The following ATXN1 variants were observed in gnomAD, a reference collection of about 807,000 sequenced individuals.
ATXN1 encodes ataxin 1.
A neutral mutation model predicts 56.4 loss-of-function variants in ATXN1; 8 were observed. The observed-to-expected ratio is 0.14, with a 90% CI of 0.08 to 0.26. ATXN1 has a LOEUF of 0.26. Among genes scored for constraint, ATXN1 ranks in the 10% least tolerant of loss-of-function variants. The probability of loss-of-function intolerance (pLI) is 1.00; values close to 1 mark genes in which losing one functional copy is unlikely to be tolerated. For missense variants in ATXN1, 987 were observed against 1,106.5 expected, an observed-to-expected ratio of 0.89 and a Z score of 1.53; for synonymous variants, 514 against 494.6, an observed-to-expected ratio of 1.04 and a Z score of -0.52.
At chr6:16,388,193 G>C (rs1416728067) in intron 6 of ATXN1, among the ~76,000 whole-genome samples, 1 of 152,162 alleles carries the variant, frequency 6.6e-6, no homozygotes, top group Non-Finnish European at 1.5e-5. Context: ...CTGCAGTCAC[G>C]GTGAAAGGGG....
intron 2 of ATXN1, among the ~76,000 whole-genome samples, chr6:16,723,655 C>A (rs1453786353): frequency 6.6e-6 from 1 of 152,034 alleles, no homozygotes; most frequent in Non-Finnish European, 1.5e-5. Context: ...GACTCTGGAG[C>A]ATTAAGATAA....
At chr6:16,548,623 T>C (rs999074829) in intron 4 of ATXN1, among the ~76,000 whole-genome samples, 13 of 152,192 alleles carry the variant, frequency 8.5e-5, no homozygotes, top group Admixed American at 7.2e-4. Context: ...TTTAAACTTT[T>C]TTTTTTAAAA....
At chr6:16,704,913 C>T (rs1446143107) in intron 2 of ATXN1, among the ~76,000 whole-genome samples, 4 of 152,188 alleles carry the variant, frequency 2.6e-5, no homozygotes, top group African/African-American at 7.2e-5. Flanking sequence ...GGAGGGGGCA[C>T]AGTGCAAAAC....
intron 2 of ATXN1, among the ~76,000 whole-genome samples, chr6:16,720,825 T>C (rs1390102023): frequency 6.6e-6 from 1 of 152,222 alleles, no homozygotes; most frequent in African/African-American, 2.4e-5. Context: ...GCTGTGTCTA[T>C]ATCCACAGGG....
intron 6 of ATXN1, among the ~76,000 whole-genome samples, chr6:16,425,319 C>A (rs1759127583): frequency 6.6e-6 from 1 of 152,230 alleles, no homozygotes; most frequent in Admixed American, 6.5e-5. Flanking sequence ...TATTCCTCAC[C>A]CACGTGTATT....
At chr6:16,415,524 C>T (rs941700616) in intron 6 of ATXN1, among the ~76,000 whole-genome samples, 55 of 152,236 alleles carry the variant, frequency 3.6e-4, no homozygotes, top group Admixed American at 3.6e-3. Flanking sequence ...GCCACCGCGC[C>T]CAGCCCAAGT....
chr6:16,504,774 T>C (rs971695758), intron 5 of ATXN1, among the ~76,000 whole-genome samples: 1 of 152,080 alleles, frequency 6.6e-6, no homozygotes, highest in Non-Finnish European at 1.5e-5. Context: ...ATGTGTAAAA[T>C]AACACAGGGG....
intron 4 of ATXN1, among the ~76,000 whole-genome samples, chr6:16,528,447 C>T (rs576692865): frequency 6.6e-6 from 1 of 152,310 alleles, no homozygotes; most frequent in South Asian, 2.1e-4. Flanking sequence ...ATTTTAACAT[C>T]CAAATCCAAT....
At chr6:16,707,887 T>C (rs1759439795) in intron 2 of ATXN1, among the ~76,000 whole-genome samples, 1 of 151,948 alleles carries the variant, frequency 6.6e-6, no homozygotes, top group African/African-American at 2.4e-5. Flanking sequence ...ATCCGATCTA[T>C]CCAAAGGAAG....
At chr6:16,315,280 T>G (rs1760484018) in intron 7 of ATXN1, among the ~76,000 whole-genome samples, 1 of 152,226 alleles carries the variant, frequency 6.6e-6, no homozygotes. Context: ...CTTGGAATCA[T>G]ACTTTCTTCC....
chr6:16,632,089 A>G (rs2113811178), intron 3 of ATXN1, among the ~76,000 whole-genome samples: 1 of 152,336 alleles, frequency 6.6e-6, no homozygotes, highest in Admixed American at 6.5e-5. Flanking sequence ...GAGAGGCTAC[A>G]GCTAATGCTC....
intron 2 of ATXN1, among the ~76,000 whole-genome samples, chr6:16,664,479 A>C (rs1385255629): frequency 6.6e-6 from 1 of 152,176 alleles, no homozygotes; most frequent in Non-Finnish European, 1.5e-5. Context: ...GTTGTGCCAA[A>C]ATTAAAAGGA....
chr6:16,543,652 A>G (rs76617903), intron 4 of ATXN1, among the ~76,000 whole-genome samples: 91 of 143,638 alleles, frequency 6.3e-4, no homozygotes, highest in African/African-American at 1.5e-3. Context: ...AAAAAAAAAA[A>G]AGAGAGAGAG....
At chr6:16,732,015 C>T (rs1176227790) in intron 2 of ATXN1, among the ~76,000 whole-genome samples, 1 of 152,134 alleles carries the variant, frequency 6.6e-6, no homozygotes, top group Non-Finnish European at 1.5e-5. Context: ...ACCGGCAACA[C>T]TCATGCTACA....
At chr6:16,349,619 C>A (rs561885794) in intron 6 of ATXN1, among the ~76,000 whole-genome samples, 1 of 152,300 alleles carries the variant, frequency 6.6e-6, no homozygotes, top group African/African-American at 2.4e-5. Flanking sequence ...GGAATAATCT[C>A]TCATTAAAAG....
Position 16,302,735 on chromosome 6 carries a change from C to G in ATXN1, c.*3594G>C, listed in dbSNP as rs1488562635. On this transcript the variant is annotated 3_prime_UTR_variant, in exon 8 of 8. Transcript: ENST00000436367. ...TGTGTTCCATTGTAAACGCAAAAGG[C>G]CTGCTGTTACTAGTTTAAAAATGGA... is the stretch of plus-strand genomic sequence containing the variant. 1 of 152,652 alleles carries G rather than the reference C, an allele frequency of 6.6e-6. No homozygotes were observed. The highest frequency in any genetic ancestry group is 1.9e-4 in the East Asian group (1 of 5,188). 9.5% of individuals were successfully genotyped at this position (152,652 alleles called of 1,614,324 possible).
chr6:16,755,097 C>G (rs1432845847), intron 1 of ATXN1, among the ~76,000 whole-genome samples: 1 of 152,194 alleles, frequency 6.6e-6, no homozygotes, highest in Non-Finnish European at 1.5e-5. Context: ...TATCACCTGG[C>G]AGATAAGGTT....
intron 6 of ATXN1, among the ~76,000 whole-genome samples, chr6:16,370,476 G>A (rs564905039): frequency 2.0e-5 from 3 of 152,150 alleles, no homozygotes; most frequent in Non-Finnish European, 4.4e-5. Flanking sequence ...TTGTGTTTAG[G>A]TTATCTTCAA....
At position 16,760,715 on chromosome 6, in the gene ATXN1, A is replaced by T. The variant is rs1761062741; in HGVS notation, c.-730+583T>A. Among the ~76,000 whole-genome samples, 1 of 151,000 alleles carries T rather than the reference A, an allele frequency of 6.6e-6. No individual in the cohort carries two copies. On this transcript the variant is annotated intron_variant, in intron 1 of 7. Transcript: ENST00000436367. This position sits in a 1 kb window ranked among gnomAD's most constrained non-coding sequence, Gnocchi z 5.3. ...GCCGAGGCCGGGCGACCACCCGCGGAGAAGTCCAGCCCTCCGTGAGACCCC... is the reference window on the plus strand; with the variant it reads ...GCCGAGGCCGGGCGACCACCCGCGGTGAAGTCCAGCCCTCCGTGAGACCCC...
Sources: gnomAD v4.1 joint callset for allele counts (sites outside exome capture counted in the v4.1 genomes callset) on GRCh38, gnomAD v4.1.1 for gene constraint, Gnocchi (gnomAD v3.1) non-coding constraint, MANE v1.5 for transcripts, NCBI Gene and HGNC (gene_info 2026-07-23, HGNC 2026-07-21) for gene names.